GPC6: variants seen among roughly 807,000 people sequenced by gnomAD.
GPC6 encodes glypican-6.
Under a neutral mutation model 55.2 loss-of-function variants are expected in GPC6, and 14 were observed. That is an observed-to-expected ratio of 0.25 (90% confidence interval 0.17 to 0.40). GPC6 has a LOEUF of 0.40. Ranked by LOEUF, GPC6 falls within the 10% of genes least tolerant of loss-of-function variation. The pLI is 1.00. For missense variants in GPC6, 641 were observed against 708.5 expected (o/e 0.90, Z 1.08); for synonymous variants, 278 against 259.6 (o/e 1.07, Z -0.68).
At position 93,941,123 on chromosome 13, in the gene GPC6, T is replaced by C. The variant is rs531980685; in HGVS notation, c.712-86606T>C. 2.0e-5 allele frequency among the ~76,000 whole-genome samples: 3 copies of C among 152,336 alleles called. No homozygotes were observed. The East Asian group carries it at 5.8e-4, about 29-fold the overall frequency. On this transcript the variant is annotated intron_variant, in intron 3 of 8. Transcript: ENST00000377047. Reference sequence around the variant, plus strand: ...GCTCCACCATAAATGTCTGTCATACTTGCTATGATGAACCCATGAGTATTT... The same window carrying C: ...GCTCCACCATAAATGTCTGTCATACCTGCTATGATGAACCCATGAGTATTT...
intron 1 of GPC6, among the ~76,000 whole-genome samples, chr13:93,484,658 A>G (rs188143831): frequency 3.9e-5 from 6 of 152,218 alleles, no homozygotes; most frequent in Non-Finnish European, 8.8e-5. Flanking sequence ...CTTTGAAAAC[A>G]ATGTCAAACT....
intron 1 of GPC6, among the ~76,000 whole-genome samples, chr13:93,402,433 A>T (rs1281209770): frequency 6.6e-6 from 1 of 152,128 alleles, no homozygotes; most frequent in Non-Finnish European, 1.5e-5. Context: ...AATCTGTAAA[A>T]GCAGGCCCCT....
intron 2 of GPC6, among the ~76,000 whole-genome samples, chr13:93,687,896 T>C (rs1028644740): frequency 6.1e-5 from 7 of 115,086 alleles, no homozygotes; most frequent in African/African-American, 3.6e-4. Flanking sequence ...TGTGTTTGGC[T>C]TTTTTTTTTA....
chr13:93,877,183 C>A (rs950013966), intron 3 of GPC6, among the ~76,000 whole-genome samples: 25 of 151,974 alleles, frequency 1.6e-4, no homozygotes, highest in Non-Finnish European at 2.9e-4. Flanking sequence ...GTATAAATTT[C>A]TGACTGACAC....
intron 3 of GPC6, among the ~76,000 whole-genome samples, chr13:93,876,324 C>A (rs114115528): frequency 2.6e-5 from 4 of 151,484 alleles, no homozygotes; most frequent in Admixed American, 6.6e-5. Flanking sequence ...GAAAAAAAAA[C>A]CTAACTTTTG....
intron 1 of GPC6, among the ~76,000 whole-genome samples, chr13:93,243,725 CCT>C (rs1377128880): frequency 6.6e-6 from 1 of 152,152 alleles, no homozygotes; most frequent in Non-Finnish European, 1.5e-5. Context: ...GGGCTCAAGT[CCT>C]CCTGGGTAGC....
At chr13:94,148,840 T>A (rs1385281031) in intron 4 of GPC6, among the ~76,000 whole-genome samples, 1 of 152,138 alleles carries the variant, frequency 6.6e-6, no homozygotes, top group Non-Finnish European at 1.5e-5. Flanking sequence ...TGGGTAGGGA[T>A]TTAACCTCTT....
At chr13:94,125,125 T>A (rs1346500513) in intron 4 of GPC6, among the ~76,000 whole-genome samples, 1 of 152,140 alleles carries the variant, frequency 6.6e-6, no homozygotes, top group East Asian at 1.9e-4. Context: ...GATAAGTAAA[T>A]TACTTTTACA....
chr13:93,343,298 G>A (rs1250172116), intron 1 of GPC6, among the ~76,000 whole-genome samples: 3 of 152,108 alleles, frequency 2.0e-5, no homozygotes, highest in Non-Finnish European at 4.4e-5. Flanking sequence ...ACATTCATTT[G>A]GATTGGCTGA....
At chr13:94,147,484 T>C (rs1887604547) in intron 4 of GPC6, among the ~76,000 whole-genome samples, 1 of 152,182 alleles carries the variant, frequency 6.6e-6, no homozygotes, top group Admixed American at 6.6e-5. Context: ...AAATAAAGTA[T>C]GAGTTGTAGC....
chr13:93,228,487 G>A (rs1875895486), intron 1 of GPC6, among the ~76,000 whole-genome samples: 4 of 152,164 alleles, frequency 2.6e-5, no homozygotes, highest in Admixed American at 2.6e-4. Flanking sequence ...GCTTGAGAGC[G>A]CCCACCCTTT....
chr13:94,056,230 T>A (rs1404133777), intron 4 of GPC6, among the ~76,000 whole-genome samples: 1 of 152,202 alleles, frequency 6.6e-6, no homozygotes, highest in Non-Finnish European at 1.5e-5. Context: ...TTTTTATTAA[T>A]TTAGGAACAA....
At chr13:93,262,991 CT>C (rs1278320531) in intron 1 of GPC6, among the ~76,000 whole-genome samples, 4 of 152,066 alleles carry the variant, frequency 2.6e-5, no homozygotes, top group African/African-American at 9.7e-5. Flanking sequence ...GGTTTGCTAG[CT>C]TTATGGGTTT....
At chr13:93,585,871 T>A (rs1416571299) in intron 2 of GPC6, among the ~76,000 whole-genome samples, 1 of 152,172 alleles carries the variant, frequency 6.6e-6, no homozygotes, top group African/African-American at 2.4e-5. Context: ...AATAAGGAAT[T>A]TCTCTTGCTA....
At chr13:93,661,086 A>T (rs73543566) in intron 2 of GPC6, among the ~76,000 whole-genome samples, 1,726 of 152,342 alleles carry the variant, frequency 0.011, 28 homozygotes, top group African/African-American at 0.04. Flanking sequence ...CATCTGTAGT[A>T]CATGCAAGGA....
intron 2 of GPC6, among the ~76,000 whole-genome samples, chr13:93,687,892 T>C (rs1317021561): frequency 1.4e-5 from 2 of 146,678 alleles, no homozygotes; most frequent in Non-Finnish European, 3.0e-5. Context: ...TTTGTGTGTT[T>C]GGCTTTTTTT....
chr13:94,190,432 A>G (rs1445454677), intron 4 of GPC6, among the ~76,000 whole-genome samples: 1 of 152,234 alleles, frequency 6.6e-6, no homozygotes, highest in African/African-American at 2.4e-5. Context: ...CTGCTGAGGC[A>G]TGTGATCTAC....
intron 6 of GPC6, among the ~76,000 whole-genome samples, chr13:94,379,573 C>G (rs1487646834): frequency 6.6e-6 from 1 of 152,160 alleles, no homozygotes; most frequent in African/African-American, 2.4e-5. Flanking sequence ...GTATTGTGAC[C>G]CCAGCTAATT....
At chr13:93,989,932 G>GTATATA (rs143198551) in intron 3 of GPC6, among the ~76,000 whole-genome samples, 2 of 146,098 alleles carry the variant, frequency 1.4e-5, no homozygotes, top group Non-Finnish European at 1.5e-5. Flanking sequence ...ATATATATAT[G>GTATATA]TATATATATA....
Sources: gnomAD v4.1 joint callset for allele counts (sites outside exome capture counted in the v4.1 genomes callset) on GRCh38, gnomAD v4.1.1 for gene constraint, MANE v1.5 for transcripts, NCBI Gene and HGNC (gene_info 2026-07-23, HGNC 2026-07-21) for gene names.